Variants in LRRC8D observed in about 807,000 individuals in gnomAD.
LRRC8D encodes leucine rich repeat containing 8 VRAC subunit D.
Under a neutral mutation model 55.8 loss-of-function variants are expected in LRRC8D, and 20 were observed. The observed-to-expected ratio is 0.36, with a 90% CI of 0.25 to 0.52. LRRC8D has a LOEUF of 0.52. Ranked by LOEUF, LRRC8D falls within the 20% of genes least tolerant of loss-of-function variation. The pLI is 0.93. For synonymous variants in LRRC8D, 352 were observed against 377.0 expected, an observed-to-expected ratio of 0.93 and a Z score of 0.77; for missense variants, 651 against 1,030.8, an observed-to-expected ratio of 0.63 and a Z score of 5.05.
chr1:89,883,221 CGT>C (rs149154219), intron 2 of LRRC8D, among the ~76,000 whole-genome samples: 47 of 148,474 alleles, frequency 3.2e-4, no homozygotes, highest in East Asian at 2.7e-3. Flanking sequence ...CGTGTGTAGG[CGT>C]GTGTGTGTGT....
chr1:89,905,727 C>A (rs1662971243), intron 2 of LRRC8D, among the ~76,000 whole-genome samples: 1 of 152,134 alleles, frequency 6.6e-6, no homozygotes, highest in South Asian at 2.1e-4. Flanking sequence ...GAAGCTGGTA[C>A]CCTGCAGGGG....
intron 2 of LRRC8D, among the ~76,000 whole-genome samples, chr1:89,920,513 A>G (rs1663384943): frequency 1.3e-5 from 2 of 152,110 alleles, no homozygotes; most frequent in Admixed American, 1.3e-4. Flanking sequence ...CTAAACCAAA[A>G]TAGCATTAGA....
At chr1:89,872,065 A>T (rs1662018769) in intron 2 of LRRC8D, among the ~76,000 whole-genome samples, 1 of 152,216 alleles carries the variant, frequency 6.6e-6, no homozygotes, top group African/African-American at 2.4e-5. Flanking sequence ...AAAGTTTCAC[A>T]CTTAAATTTT....
intron 2 of LRRC8D, chr1:89,846,633 C>T (rs1029581934): frequency 6.6e-6 from 1 of 152,116 alleles, no homozygotes; most frequent in African/African-American, 2.4e-5. Flanking sequence ...TATACCTCTT[C>T]ACTCAGGCTC....
In LRRC8D at chr1:89,934,180, C is replaced by T; in HGVS notation, c.1112C>T (p.Ser371Phe). The change falls in exon 3 of 3, where the codon TCC becomes TTC. Residue 371 changes from serine (S) to phenylalanine (F), a missense_variant. Around this residue, in one of 5 missense-constraint regions of LRRC8D, gnomAD observed 178 missense variants for 374.9 expected, o/e 0.47. Transcript: ENST00000337338. The surrounding 1 kb of genome is among the most constrained non-coding windows in gnomAD (Gnocchi z 5.9). ...AAAAAGCTTCTCATCAGTTACATATCCATTATTTGTGTTTATGGCTTTATC... is the reference window on the plus strand; with the variant it reads ...AAAAAGCTTCTCATCAGTTACATATTCATTATTTGTGTTTATGGCTTTATC... ...MLKKLLISYI[S>F]IICVYGFICL... 6.2e-7 allele frequency: 1 copy of T among 1,614,064 alleles called. No homozygotes were observed. The highest frequency in any genetic ancestry group is 1.1e-5 in the South Asian group (1 of 91,076).
At chr1:89,901,645 C>T (rs544813715) in intron 2 of LRRC8D, among the ~76,000 whole-genome samples, 28 of 152,282 alleles carry the variant, frequency 1.8e-4, no homozygotes, top group African/African-American at 5.5e-4. Flanking sequence ...TTACCAGATA[C>T]GCAGACTAAA....
chr1:89,872,292 A>C (rs1272893422), intron 2 of LRRC8D, among the ~76,000 whole-genome samples: 1 of 152,230 alleles, frequency 6.6e-6, no homozygotes, highest in Non-Finnish European at 1.5e-5. Context: ...GCGTTCTGCT[A>C]TCTGTTTTCA....
Position 89,823,035 on chromosome 1 carries a change from ATGGAG to A in LRRC8D, c.-148+1745_-148+1749del, listed in dbSNP as rs1469653392. 4.6e-5 allele frequency among the ~76,000 whole-genome samples: 7 copies of A among 152,310 alleles called. 1 individual carries two copies. Among genetic ancestry groups the A allele is most frequent in the African/African-American group, 1.7e-4 (7 of 41,554 alleles). On this transcript the variant is annotated intron_variant, in intron 1 of 2. Coordinates refer to ENST00000337338, the MANE Select transcript of LRRC8D (RefSeq NM_001134479.2). ...CCCCCATAAAATGATTAGGTAATCT[ATGGAG>A]CCAGGGAAAAATTCCAAAATCTTGA...
Position 89,934,049 on chromosome 1 carries a change from G to C in LRRC8D, c.981G>C (p.Ala327=), listed in dbSNP as rs137869661. ...TCATTTTTATTCTCTGCTATACAGC[G>C]AACTTTGTCAACGCAATCAGCTTTG... ...AKFIFILCYT[A]NFVNAISFEH... The change falls in exon 3 of 3, where the codon GCG becomes GCC. Residue 327 remains alanine (A), a synonymous_variant. Transcript: ENST00000337338. The surrounding 1 kb of genome is among the most constrained non-coding windows in gnomAD (Gnocchi z 5.9). The C allele has an allele frequency of 1.2e-6, 2 of 1,614,020 alleles. No homozygotes were observed. Among genetic ancestry groups the C allele is most frequent in the Admixed American group, 1.7e-5 (1 of 60,000 alleles).
chr1:89,894,358 C>T (rs182300437), intron 2 of LRRC8D, among the ~76,000 whole-genome samples: 2 of 152,276 alleles, frequency 1.3e-5, no homozygotes, highest in African/African-American at 4.8e-5. Context: ...GAGAGTGAGC[C>T]GAGCACATAG....
intron 2 of LRRC8D, chr1:89,846,507 T>A (rs1303482376): frequency 6.6e-6 from 1 of 152,160 alleles, no homozygotes; most frequent in Non-Finnish European, 1.5e-5. Flanking sequence ...AATCCGTGGT[T>A]CTTTTGTAGT....
chr1:89,852,838 G>A (rs1323988995), intron 2 of LRRC8D, among the ~76,000 whole-genome samples: 1 of 152,188 alleles, frequency 6.6e-6, no homozygotes, highest in African/African-American at 2.4e-5. Context: ...TGGACTAGGA[G>A]TGAATGGAGC....
At chr1:89,920,223 T>C (rs1394225430) in intron 2 of LRRC8D, among the ~76,000 whole-genome samples, 1 of 152,250 alleles carries the variant, frequency 6.6e-6, no homozygotes, top group Non-Finnish European at 1.5e-5. Flanking sequence ...TCCTTAGTTC[T>C]GAGGCAAATT....
chr1:89,917,978 A>G (rs927463678), intron 2 of LRRC8D, among the ~76,000 whole-genome samples: 6 of 152,168 alleles, frequency 3.9e-5, no homozygotes, highest in South Asian at 2.1e-4. Context: ...GAGAGGAAAT[A>G]TGTCTGAATT....
At chr1:89,915,309 T>A (rs993588578) in intron 2 of LRRC8D, among the ~76,000 whole-genome samples, 1 of 152,312 alleles carries the variant, frequency 6.6e-6, no homozygotes, top group Non-Finnish European at 1.5e-5. Flanking sequence ...GATATTGTGG[T>A]CCATCAACAC....
At chr1:89,844,554 A>T (rs1661224866) in intron 2 of LRRC8D, among the ~76,000 whole-genome samples, 1 of 152,194 alleles carries the variant, frequency 6.6e-6, no homozygotes, top group Admixed American at 6.5e-5. Flanking sequence ...CATCTTTATT[A>T]ATTCCATTTG....
intron 1 of LRRC8D, among the ~76,000 whole-genome samples, chr1:89,835,045 A>G (rs1288425852): frequency 5.9e-5 from 8 of 136,310 alleles, no homozygotes; most frequent in Admixed American, 1.6e-4. Context: ...GCCTTCAGCA[A>G]TTCTGGTGGT....
chr1:89,851,060 G>GT (rs1192722739), intron 2 of LRRC8D, among the ~76,000 whole-genome samples: 10 of 144,360 alleles, frequency 6.9e-5, no homozygotes, highest in East Asian at 2.1e-4. Context: ...ATTTTCTTCT[G>GT]TTTTTTTGTG....
intron 2 of LRRC8D, among the ~76,000 whole-genome samples, chr1:89,922,644 G>T (rs1381522428): frequency 6.6e-6 from 1 of 152,202 alleles, no homozygotes; most frequent in East Asian, 1.9e-4. Flanking sequence ...ACTGTGAGGT[G>T]GTTTTTATTA....
Sources: allele counts gnomAD v4.1 joint callset (sites outside exome capture counted in the v4.1 genomes callset), GRCh38; gene constraint gnomAD v4.1.1; regional missense constraint gnomAD v4.1.1; non-coding constraint Gnocchi (gnomAD v3.1); transcripts MANE v1.5; gene names NCBI Gene and HGNC (gene_info 2026-07-23, HGNC 2026-07-21).